The following NDST4 variants were observed in gnomAD, a reference collection of about 807,000 sequenced individuals.
NDST4 encodes N-deacetylase and N-sulfotransferase 4, also known as N-heparan sulfate sulfotransferase 4.
In NDST4, 63 loss-of-function variants were observed where a neutral mutation model predicts 100.8. The ratio of observed to expected loss-of-function variants is 0.62; its 90% CI spans 0.51 to 0.77. The LOEUF is 0.77. Among genes scored for constraint, NDST4 ranks in the 30% least tolerant of loss-of-function variants. The probability of loss-of-function intolerance (pLI) is 0.00; values close to 1 mark genes in which losing one functional copy is unlikely to be tolerated. For missense variants in NDST4, 943 were observed against 1,018.4 expected, an observed-to-expected ratio of 0.93 and a Z score of 1.01; for synonymous variants, 377 against 361.8, an observed-to-expected ratio of 1.04 and a Z score of -0.48.
intron 2 of NDST4, among the ~76,000 whole-genome samples, chr4:114,986,830 A>ATTTTTTT (rs1221108713): frequency 9.8e-5 from 9 of 91,966 alleles, no homozygotes; most frequent in Admixed American, 5.2e-4. Context: ...ATATATATAT[A>ATTTTTTT]TATTTTAATA....
intron 2 of NDST4, among the ~76,000 whole-genome samples, chr4:115,031,004 C>A (rs1161699465): frequency 6.6e-6 from 1 of 152,106 alleles, no homozygotes; most frequent in East Asian, 1.9e-4. Context: ...ATCACCCCAT[C>A]TATATTATCT....
At chr4:115,045,810 G>GA (rs1397393158) in intron 2 of NDST4, among the ~76,000 whole-genome samples, 2 of 152,070 alleles carry the variant, frequency 1.3e-5, no homozygotes, top group African/African-American at 4.8e-5. Context: ...CAAGTAGAAG[G>GA]AAAAATTGAT....
intron 2 of NDST4, among the ~76,000 whole-genome samples, chr4:115,050,425 C>CA: frequency 6.6e-6 from 1 of 151,640 alleles, no homozygotes. Context: ...CACACACACA[C>CA]CATGACACAT....
At chr4:115,027,559 C>A (rs1728014068) in intron 2 of NDST4, among the ~76,000 whole-genome samples, 1 of 152,070 alleles carries the variant, frequency 6.6e-6, no homozygotes, top group Non-Finnish European at 1.5e-5. Context: ...GTCTCTTGAT[C>A]ATTTTTATAC....
chr4:115,105,644 T>G (rs929205590), intron 1 of NDST4, among the ~76,000 whole-genome samples: 36 of 152,130 alleles, frequency 2.4e-4, no homozygotes, highest in African/African-American at 8.4e-4. Context: ...AGCATTTATT[T>G]TCTACGCAAG....
At chr4:114,840,397 T>C (rs1430554429) in intron 10 of NDST4, among the ~76,000 whole-genome samples, 5 of 152,114 alleles carry the variant, frequency 3.3e-5, no homozygotes, top group African/African-American at 1.2e-4. Flanking sequence ...ATATAAGACA[T>C]AACCACTCTC....
At chr4:115,065,271 G>A (rs1243613925) in intron 2 of NDST4, among the ~76,000 whole-genome samples, 2 of 151,948 alleles carry the variant, frequency 1.3e-5, no homozygotes, top group East Asian at 1.9e-4. Flanking sequence ...TTCTGAATTG[G>A]GTTTCTTTAC....
intron 4 of NDST4, among the ~76,000 whole-genome samples, chr4:114,943,824 G>A (rs533351080): frequency 4.8e-4 from 73 of 152,186 alleles, no homozygotes; most frequent in Middle Eastern, 3.4e-3. Context: ...ATAATATTAG[G>A]GGACTAAATA....
intron 2 of NDST4, among the ~76,000 whole-genome samples, chr4:115,057,715 CACACACACACACACACACAG>C (rs1283120704): frequency 1.7e-5 from 2 of 115,988 alleles, no homozygotes; most frequent in African/African-American, 8.0e-5. Flanking sequence ...CACACACACA[CACACACACACACACACACAG>C]ACACACACAC....
At chr4:114,910,368 C>T (rs927734250) in intron 6 of NDST4, among the ~76,000 whole-genome samples, 2 of 152,096 alleles carry the variant, frequency 1.3e-5, no homozygotes, top group African/African-American at 4.8e-5. Flanking sequence ...AGCCTTAAAA[C>T]ATCATAATAT....
At chr4:114,890,960 A>G (rs1724581245) in intron 6 of NDST4, among the ~76,000 whole-genome samples, 1 of 152,040 alleles carries the variant, frequency 6.6e-6, no homozygotes, top group African/African-American at 2.4e-5. Context: ...TGTTTTCCCC[A>G]GGAACTGACT....
intron 2 of NDST4, among the ~76,000 whole-genome samples, chr4:115,020,838 A>G (rs141348810): frequency 0.015 from 2,278 of 152,256 alleles, 66 homozygotes; most frequent in African/African-American, 0.052. Context: ...TGATCAGGGA[A>G]ATGCAAATCA....
At chr4:114,943,294 TA>T (rs1560823915) in intron 4 of NDST4, among the ~76,000 whole-genome samples, 1 of 151,750 alleles carries the variant, frequency 6.6e-6, no homozygotes, top group Non-Finnish European at 1.5e-5. Context: ...ATTTACACTA[TA>T]ATTCATATCT....
intron 6 of NDST4, among the ~76,000 whole-genome samples, chr4:114,899,605 T>C (rs1021171543): frequency 6.6e-6 from 1 of 152,186 alleles, no homozygotes; most frequent in African/African-American, 2.4e-5. Flanking sequence ...TATGGTGTGA[T>C]CTTTCTTCTT....
At chr4:115,041,061 G>C (rs1157711387) in intron 2 of NDST4, among the ~76,000 whole-genome samples, 1 of 151,954 alleles carries the variant, frequency 6.6e-6, no homozygotes, top group African/African-American at 2.4e-5. Flanking sequence ...AGGTATTCCA[G>C]CTATTAAATG....
chr4:114,910,489 C>A (rs999043754), intron 6 of NDST4, among the ~76,000 whole-genome samples: 2 of 152,116 alleles, frequency 1.3e-5, no homozygotes, highest in Admixed American at 1.3e-4. Flanking sequence ...AAAATGAGAA[C>A]TTTTTTCCTT....
chr4:115,028,233 CTT>C, intron 2 of NDST4, among the ~76,000 whole-genome samples: 1 of 152,016 alleles, frequency 6.6e-6, no homozygotes, highest in Non-Finnish European at 1.5e-5. Flanking sequence ...TCAGACAACT[CTT>C]AGGATTCTTA....
In NDST4 at chr4:114,962,317, C is replaced by CAATAAAATAA. The variant is rs57651310; in HGVS notation, c.1221+8103_1221+8112dup. ...GAAAGTTACAGTCAGGACAATTAGA[C>CAATAAAATAA]AATAAAATAAAATAAAATATAGCCA... On this transcript the variant is annotated intron_variant, in intron 4 of 13. Coordinates refer to ENST00000264363, the MANE Select transcript of NDST4 (RefSeq NM_022569.3). Among the ~76,000 whole-genome samples, 429 of 150,690 alleles carry CAATAAAATAA rather than the reference C, an allele frequency of 2.8e-3. 2 individuals are homozygous for CAATAAAATAA. The highest frequency in any genetic ancestry group is 6.8e-3 in the Middle Eastern group (2 of 292).
chr4:114,945,530 A>C (rs906398790), intron 4 of NDST4, among the ~76,000 whole-genome samples: 37 of 152,224 alleles, frequency 2.4e-4, no homozygotes, highest in Admixed American at 7.9e-4. Flanking sequence ...AACATATTAA[A>C]GAAACACATC....
Sources: allele counts gnomAD v4.1 joint callset (sites outside exome capture counted in the v4.1 genomes callset), GRCh38; gene constraint gnomAD v4.1.1; transcripts MANE v1.5; gene names NCBI Gene and HGNC (gene_info 2026-07-23, HGNC 2026-07-21).